EFEMP1: variants seen among roughly 807,000 people sequenced by gnomAD.
The protein encoded by EFEMP1 is EGF-containing fibulin-like extracellular matrix protein 1.
A neutral mutation model predicts 65.7 loss-of-function variants in EFEMP1; 18 were observed. The observed-to-expected ratio is 0.27, with a 90% CI of 0.19 to 0.41. EFEMP1 has a LOEUF of 0.41. Ranked by LOEUF, EFEMP1 falls within the 10% of genes least tolerant of loss-of-function variation. The pLI is 1.00. For synonymous variants in EFEMP1, 237 were observed against 219.7 expected (o/e 1.08, Z -0.70); for missense variants, 469 against 624.8 (o/e 0.75, Z 2.66).
chr2:55,914,158 A>AAT (rs1670588367), intron 5 of EFEMP1, among the ~76,000 whole-genome samples: 1 of 152,224 alleles, frequency 6.6e-6, no homozygotes, highest in Admixed American at 6.5e-5. Context: ...TCTAATGGAA[A>AAT]CAATTAATTT....
chr2:55,896,648 G>A (rs1047567765), intron 5 of EFEMP1, among the ~76,000 whole-genome samples: 12 of 152,160 alleles, frequency 7.9e-5, no homozygotes, highest in Admixed American at 7.9e-4. Flanking sequence ...AAAACCAGTT[G>A]TAATTAGTTA....
intron 5 of EFEMP1, among the ~76,000 whole-genome samples, chr2:55,896,119 T>C (rs1018339811): frequency 6.6e-6 from 1 of 152,226 alleles, no homozygotes. Flanking sequence ...AATTGAGATA[T>C]CCATTAGGCT....
At chr2:55,914,022 GAA>G (rs1670583381) in intron 5 of EFEMP1, among the ~76,000 whole-genome samples, 1 of 151,994 alleles carries the variant, frequency 6.6e-6, no homozygotes, top group South Asian at 2.1e-4. Context: ...AAAAAAAGGA[GAA>G]AGAGACTATG....
intron 5 of EFEMP1, among the ~76,000 whole-genome samples, chr2:55,894,527 C>T (rs1475375080): frequency 7.6e-6 from 1 of 131,884 alleles, no homozygotes; most frequent in Non-Finnish European, 1.7e-5. Flanking sequence ...CTTCACTAAG[C>T]AGCATGGTGA....
chr2:55,867,522 TTGTG>T lies in EFEMP1; in HGVS notation c.1321-292_1321-289del, dbSNP rs1217834716. 6.6e-6 allele frequency among the ~76,000 whole-genome samples: 1 copy of T among 152,046 alleles called. No homozygotes were observed. Among genetic ancestry groups the T allele is most frequent in the Non-Finnish European group, 1.5e-5 (1 of 68,002 alleles). On this transcript the variant is annotated intron_variant, in intron 11 of 11. Transcript: ENST00000355426. The surrounding 1 kb of genome is among the most constrained non-coding windows in gnomAD (Gnocchi z 4.3). Reference sequence around the variant, plus strand: ...ATTTTTCTTCACTTTTATTGAGTAGTTGTGGACTTTACAGAGACTAGAGCTTAAG... The same window carrying T: ...ATTTTTCTTCACTTTTATTGAGTAGTGACTTTACAGAGACTAGAGCTTAAG...
Position 55,886,872 on chromosome 2 carries a change from T to C in EFEMP1, c.518-5138A>G, listed in dbSNP as rs1273108120. On this transcript the variant is annotated intron_variant, in intron 5 of 11. Coordinates refer to ENST00000355426, the MANE Select transcript of EFEMP1 (RefSeq NM_001039348.3). The surrounding 1 kb of genome is among the most constrained non-coding windows in gnomAD (Gnocchi z 4.0). ...CTGAAGTTTACTACTGTTTTACTCA[T>C]CCAGTATTTGCTATTGATAATGATA... Among the ~76,000 whole-genome samples the C allele has an allele frequency of 2.0e-5, 3 of 152,198 alleles. No homozygotes were observed. Among genetic ancestry groups the C allele is most frequent in the Non-Finnish European group, 4.4e-5 (3 of 68,026 alleles).
intron 11 of EFEMP1, among the ~76,000 whole-genome samples, chr2:55,869,280 A>G (rs936462314): frequency 2.0e-5 from 3 of 152,278 alleles, no homozygotes; most frequent in African/African-American, 7.2e-5. Flanking sequence ...ATAGAAAATT[A>G]TTTTTAAAGA....
chr2:55,909,799 A>C lies in EFEMP1; in HGVS notation c.517+7866T>G, dbSNP rs542805441. ...TGTACTTCCAGTGATGTCTCATGTT[A>C]CTTTATTGAACTGTTGTTTGTTTCT... On this transcript the variant is annotated intron_variant, in intron 5 of 11. Transcript: ENST00000355426. Among the ~76,000 whole-genome samples the C allele has an allele frequency of 3.3e-5, 5 of 152,260 alleles. 1 individual carries two copies. In the South Asian group the frequency reaches 1.0e-3, roughly 32 times the overall value.
At position 55,886,135 on chromosome 2, in the gene EFEMP1, G is replaced by A. The variant is rs1320681668; in HGVS notation, c.518-4401C>T. 1.3e-5 allele frequency among the ~76,000 whole-genome samples: 2 copies of A among 152,184 alleles called. No individual in the cohort carries two copies. Among genetic ancestry groups the A allele is most frequent in the Non-Finnish European group, 2.9e-5 (2 of 68,014 alleles). On this transcript the variant is annotated intron_variant, in intron 5 of 11. Coordinates refer to ENST00000355426, the MANE Select transcript of EFEMP1 (RefSeq NM_001039348.3). This position sits in a 1 kb window ranked among gnomAD's most constrained non-coding sequence, Gnocchi z 4.0. ...GTAGACTAGTGATGAGAATGCACTA[G>A]TAATAGGACAAAGAAGACTGAAATT... is the stretch of plus-strand genomic sequence containing the variant.
Position 55,877,687 on chromosome 2 carries a change from A to G in EFEMP1, c.760+59T>C, listed in dbSNP as rs1016972902. On this transcript the variant is annotated intron_variant, in intron 7 of 11. Coordinates refer to ENST00000355426, the MANE Select transcript of EFEMP1 (RefSeq NM_001039348.3). This position sits in a 1 kb window ranked among gnomAD's most constrained non-coding sequence, Gnocchi z 4.5. Reference sequence around the variant, plus strand: ...AACATAGAAAACTGGAAATACTGCAACATGGCATGGGGTTTCCTTTTGTGA... The same window carrying G: ...AACATAGAAAACTGGAAATACTGCAGCATGGCATGGGGTTTCCTTTTGTGA... 4 of 1,610,242 alleles carry G rather than the reference A, an allele frequency of 2.5e-6. No homozygotes were observed. The highest frequency in any genetic ancestry group is 1.1e-5 in the South Asian group (1 of 90,868).
rs1215895476 is a variant in EFEMP1, at chr2:55,867,228, T to C, written c.1327A>G (p.Ser443Gly). 6.2e-7 allele frequency: 1 copy of C among 1,613,704 alleles called. No individual in the cohort carries two copies. Among genetic ancestry groups the C allele is most frequent in the Non-Finnish European group, 8.5e-7 (1 of 1,179,880 alleles). ...AGCACAAGCATTGCACTTACAGGAC[T>C]TGTTTGCTAAAATAAAAGAAAATAG... ...ENGEFYLRQT[S>G]PVSAMLVLVK... is the part of the protein sequence containing the mutation. Residue 443 changes from serine (S) to glycine (G), a missense_variant, in exon 12 of 12, where the codon AGT (serine) becomes GGT (glycine). Physicochemically the swap from Ser to Gly is moderately conservative, Grantham distance 56. Coordinates refer to ENST00000355426, the MANE Select transcript of EFEMP1 (RefSeq NM_001039348.3). This position sits in a 1 kb window ranked among gnomAD's most constrained non-coding sequence, Gnocchi z 4.3.
chr2:55,901,362 G>T (rs1290456075), intron 5 of EFEMP1, among the ~76,000 whole-genome samples: 1 of 152,194 alleles, frequency 6.6e-6, no homozygotes, highest in African/African-American at 2.4e-5. Context: ...TGGAGTAAAA[G>T]ACTTTAAACT....
Position 55,867,335 on chromosome 2 carries a change from T to C in EFEMP1, c.1321-101A>G. 7.4e-7 allele frequency: 1 copy of C among 1,345,160 alleles called. No individual in the cohort carries two copies. The highest frequency in any genetic ancestry group is 1.0e-6 in the Non-Finnish European group (1 of 980,148). 83.3% of individuals were successfully genotyped at this position (1,345,160 alleles called of 1,614,324 possible). ...TCCTATAAGAATTAGGGGGAGAATT[T>C]TGAAGGTGGTATAAAAGAGCCACTA... On this transcript the variant is annotated intron_variant, in intron 11 of 11. Transcript: ENST00000355426. The surrounding 1 kb of genome is among the most constrained non-coding windows in gnomAD (Gnocchi z 4.3).
chr2:55,894,835 G>A (rs1352529135), intron 5 of EFEMP1, among the ~76,000 whole-genome samples: 1 of 152,170 alleles, frequency 6.6e-6, no homozygotes, highest in Non-Finnish European at 1.5e-5. Context: ...AAGGCCCAAG[G>A]AAAAGCACCA....
At chr2:55,911,871 A>G (rs1306798428) in intron 5 of EFEMP1, among the ~76,000 whole-genome samples, 1 of 152,218 alleles carries the variant, frequency 6.6e-6, no homozygotes, top group Non-Finnish European at 1.5e-5. Context: ...CTGCTCACAA[A>G]TGTGTATTGA....
At chr2:55,895,574 C>T (rs1465747114) in intron 5 of EFEMP1, among the ~76,000 whole-genome samples, 2 of 146,896 alleles carry the variant, frequency 1.4e-5, no homozygotes, top group Non-Finnish European at 3.0e-5. Context: ...GACGGAGTCT[C>T]GCTGTCGCCC....
intron 5 of EFEMP1, among the ~76,000 whole-genome samples, chr2:55,910,024 G>T (rs1316151139): frequency 6.6e-6 from 1 of 152,172 alleles, no homozygotes; most frequent in African/African-American, 2.4e-5. Flanking sequence ...CCCTGGATGG[G>T]ATAGATGTAC....
At chr2:55,889,039 C>T (rs931343471) in intron 5 of EFEMP1, among the ~76,000 whole-genome samples, 3 of 152,164 alleles carry the variant, frequency 2.0e-5, no homozygotes, top group Admixed American at 6.5e-5. Flanking sequence ...TCTACCAAGC[C>T]CTGCCTGAGC....
At chr2:55,918,367 C>A in intron 3 of EFEMP1, 100 bp from the exon 4 acceptor site, 1 of 1,380,060 alleles carries the variant, frequency 7.2e-7, no homozygotes, top group Non-Finnish European at 1.0e-6. Context: ...GGCAACAATC[C>A]TTGTGCTAAA....
Sources: allele counts gnomAD v4.1 joint callset (sites outside exome capture counted in the v4.1 genomes callset), GRCh38; gene constraint gnomAD v4.1.1; non-coding constraint Gnocchi (gnomAD v3.1); transcripts MANE v1.5; gene names NCBI Gene and HGNC (gene_info 2026-07-23, HGNC 2026-07-21).